The following BRAF variants were observed in gnomAD, a reference collection of about 807,000 sequenced individuals.
BRAF encodes the protein serine/threonine-protein kinase B-raf.
BRAF carries 16 observed loss-of-function variants against 104.6 expected under a neutral mutation model. The ratio of observed to expected loss-of-function variants is 0.15; its 90% CI spans 0.10 to 0.23. The LOEUF (loss-of-function observed/expected upper bound fraction) is 0.23. Among genes scored for constraint, BRAF ranks in the 10% least tolerant of loss-of-function variants. The pLI is 1.00. For missense variants in BRAF, 541 were observed against 937.3 expected, an observed-to-expected ratio of 0.58 and a Z score of 5.52; for synonymous variants, 310 against 341.6, an observed-to-expected ratio of 0.91 and a Z score of 1.02.
chr7:140,850,475 T>G (rs565067619), intron 1 of BRAF, among the ~76,000 whole-genome samples: 1 of 152,328 alleles, frequency 6.6e-6, no homozygotes, highest in Admixed American at 6.5e-5. Flanking sequence ...TCTCTTCATC[T>G]TCCTCACATT....
intron 1 of BRAF, among the ~76,000 whole-genome samples, chr7:140,885,324 A>T (rs571768999): frequency 1.3e-5 from 2 of 152,234 alleles, no homozygotes; most frequent in African/African-American, 4.8e-5. Context: ...TTAAAAAAAA[A>T]AATTTTTTTT....
chr7:140,759,706 T>G lies in BRAF; in HGVS notation c.1815-5473A>C, dbSNP rs141491948. Among the ~76,000 whole-genome samples the G allele has an allele frequency of 2.6e-5, 4 of 152,302 alleles. No homozygotes were observed. The East Asian group carries it at 7.7e-4, about 29-fold the overall frequency. ...CGGCCCTGATTACAGGTATTTTAAA[T>G]GACTTGTCCAACCACGAAACACCAA... On this transcript the variant is annotated intron_variant, in intron 14 of 19. Coordinates refer to ENST00000644969, the MANE Select transcript of BRAF (RefSeq NM_001374258.1).
In BRAF at chr7:140,726,054, G is replaced by A; in HGVS notation, c.*440C>T. The A allele has an allele frequency of 9.3e-7, 1 of 1,074,628 alleles. No individual in the cohort carries two copies. Among genetic ancestry groups the A allele is most frequent in the Non-Finnish European group, 1.1e-6 (1 of 885,746 alleles). 66.6% of individuals were successfully genotyped at this position (1,074,628 alleles called of 1,614,324 possible). ...AGCTCCAAAACAAAATTCCAGAACA[G>A]GAAAGAGAACGATGCTTGGTGATTG... On this transcript the variant is annotated 3_prime_UTR_variant, in exon 20 of 20. Transcript: ENST00000644969.
chr7:140,782,231 A>G (rs987848570), intron 11 of BRAF, among the ~76,000 whole-genome samples: 6 of 152,164 alleles, frequency 3.9e-5, no homozygotes, highest in African/African-American at 1.4e-4. Flanking sequence ...TAAAAAATAT[A>G]AATTATTTAT....
At chr7:140,852,641 T>C (rs1224196033) in intron 1 of BRAF, among the ~76,000 whole-genome samples, 3 of 149,128 alleles carry the variant, frequency 2.0e-5, no homozygotes, top group African/African-American at 7.6e-5. Flanking sequence ...ACTTACTCCC[T>C]AGGTGATCTC....
In BRAF at chr7:140,924,149, A is replaced by G. The variant is rs990359753; in HGVS notation, c.138+417T>C. 2.0e-5 allele frequency among the ~76,000 whole-genome samples: 3 copies of G among 152,188 alleles called. No individual in the cohort carries two copies. The highest frequency in any genetic ancestry group is 4.4e-5 in the Non-Finnish European group (3 of 68,028). On this transcript the variant is annotated intron_variant, in intron 1 of 19. Transcript: ENST00000644969. The surrounding 1 kb of genome is among the most constrained non-coding windows in gnomAD (Gnocchi z 4.2). ...CGACCATGTAAGAATTACACGCGAC[A>G]GTAACTCGGGCTGTTGTCTCAGCCC...
chr7:140,836,187 C>T (rs1807316696), intron 2 of BRAF: 1 of 152,072 alleles, frequency 6.6e-6, no homozygotes. Flanking sequence ...CATACAATAC[C>T]TGGGACATAG....
At chr7:140,848,236 A>G (rs1808782450) in intron 2 of BRAF, among the ~76,000 whole-genome samples, 1 of 152,108 alleles carries the variant, frequency 6.6e-6, no homozygotes, top group African/African-American at 2.4e-5. Context: ...TGATAAAGGT[A>G]GAATAAGATA....
rs1018104530 is a variant in BRAF at position 140,746,515 on chromosome 7, C to T, written c.2112+2772G>A. ...GCTGGAAGAAATTCTTAGCCGAATT[C>T]CCTTATTTTGCAGGTAATTGAAAAA... On this transcript the variant is annotated intron_variant, in intron 17 of 19. Transcript: ENST00000644969. 1.5e-4 allele frequency among the ~76,000 whole-genome samples: 23 copies of T among 152,052 alleles called. 1 individual carries two copies. Among genetic ancestry groups the T allele is most frequent in the Admixed American group, 1.3e-3 (20 of 15,268 alleles).
intron 1 of BRAF, among the ~76,000 whole-genome samples, chr7:140,916,643 A>G (rs1255183060): frequency 6.6e-6 from 1 of 152,236 alleles, no homozygotes; most frequent in Non-Finnish European, 1.5e-5. Flanking sequence ...CTACTAAAAT[A>G]TGTCCTTTCT....
At chr7:140,833,868 T>G (rs929254633) in intron 3 of BRAF, 2 of 151,090 alleles carry the variant, frequency 1.3e-5, no homozygotes, top group Non-Finnish European at 2.9e-5. Context: ...TATAATAACA[T>G]TTTTTTTTCA....
chr7:140,878,919 G>A (rs761395210), intron 1 of BRAF, among the ~76,000 whole-genome samples: 2 of 151,990 alleles, frequency 1.3e-5, no homozygotes, highest in African/African-American at 4.8e-5. Flanking sequence ...TGTCACCCAG[G>A]CTGGAGTGCA....
intron 1 of BRAF, 62 bp from the exon 2 acceptor site, chr7:140,850,274 T>A: frequency 7.7e-7 from 1 of 1,297,774 alleles, no homozygotes; most frequent in Non-Finnish European, 1.1e-6. Flanking sequence ...AGAAATATTT[T>A]AACATAGACA....
Position 140,719,925 on chromosome 7 carries a change from T to G in BRAF, c.*6569A>C. On this transcript the variant is annotated 3_prime_UTR_variant, in exon 20 of 20. Transcript: ENST00000644969. ...AGAGGAATGTGTGTGTGAGTCGCCA[T>G]AAGGTTTGGAGTGGTGAAACAGGAA... The G allele has an allele frequency of 9.4e-7, 1 of 1,062,436 alleles. No homozygotes were observed. The highest frequency in any genetic ancestry group is 1.1e-6 in the Non-Finnish European group (1 of 877,506). 65.8% of individuals were successfully genotyped at this position (1,062,436 alleles called of 1,614,324 possible).
chr7:140,874,925 C>A (rs979802864), intron 1 of BRAF, among the ~76,000 whole-genome samples: 1 of 152,104 alleles, frequency 6.6e-6, no homozygotes, highest in African/African-American at 2.4e-5. Context: ...GTATGTGGCA[C>A]CCTCCCCATC....
At chr7:140,758,995 T>C (rs1213034657) in intron 14 of BRAF, among the ~76,000 whole-genome samples, 1 of 152,226 alleles carries the variant, frequency 6.6e-6, no homozygotes, top group African/African-American at 2.4e-5. Flanking sequence ...AATTTTGCCT[T>C]TTCTCAAATT....
intron 18 of BRAF, among the ~76,000 whole-genome samples, chr7:140,737,203 G>T (rs911656116): frequency 6.6e-6 from 1 of 151,940 alleles, no homozygotes; most frequent in South Asian, 2.1e-4. Flanking sequence ...GAATACTTAT[G>T]AAATAGGTTA....
intron 1 of BRAF, among the ~76,000 whole-genome samples, chr7:140,890,392 C>T (rs909237162): frequency 6.6e-6 from 1 of 152,018 alleles, no homozygotes; most frequent in Non-Finnish European, 1.5e-5. Context: ...CTACCAAATC[C>T]CTGTATGTGC....
intron 3 of BRAF, among the ~76,000 whole-genome samples, chr7:140,821,074 T>C (rs1298375134): frequency 6.6e-6 from 1 of 151,954 alleles, no homozygotes; most frequent in Non-Finnish European, 1.5e-5. Context: ...AATCATACCT[T>C]ACTGAAGCCT....
Sources: gnomAD v4.1 joint callset for allele counts (sites outside exome capture counted in the v4.1 genomes callset) on GRCh38, gnomAD v4.1.1 for gene constraint, Gnocchi (gnomAD v3.1) non-coding constraint, MANE v1.5 for transcripts, NCBI Gene and HGNC (gene_info 2026-07-23, HGNC 2026-07-21) for gene names.